The following ARHGEF6 variants were observed in gnomAD, a reference collection of about 807,000 sequenced individuals.
ARHGEF6 encodes Rac/Cdc42 guanine nucleotide exchange factor 6.
Under a neutral mutation model 70.3 loss-of-function variants are expected in ARHGEF6, and 9 were observed. The ratio of observed to expected loss-of-function variants is 0.13; its 90% CI spans 0.08 to 0.22. ARHGEF6 has a LOEUF of 0.22. Among genes scored for constraint, ARHGEF6 ranks in the 10% least tolerant of loss-of-function variants. The probability of loss-of-function intolerance (pLI) is 1.00; values close to 1 mark genes in which losing one functional copy is unlikely to be tolerated. For missense variants in ARHGEF6, 470 were observed against 563.0 expected (o/e 0.83, Z 1.67); for synonymous variants, 201 against 207.8 (o/e 0.97, Z 0.28).
intron 9 of ARHGEF6, among the ~76,000 whole-genome samples, chrX:136,696,875 A>C (rs956757477): frequency 1.8e-5 from 2 of 110,158 alleles, no homozygotes; most frequent in Non-Finnish European, 3.8e-5. Context: ...CCAGTCAAAA[A>C]ATATGATATC....
intron 9 of ARHGEF6, among the ~76,000 whole-genome samples, chrX:136,699,713 T>C (rs369968727): frequency 1.3e-4 from 15 of 111,318 alleles, no homozygotes; most frequent in African/African-American, 4.2e-4. Context: ...TCCTGGAGTC[T>C]GAATGTGGAC....
chrX:136,726,934 A>C (rs2076859150), intron 6 of ARHGEF6, among the ~76,000 whole-genome samples: 1 of 112,443 alleles, frequency 8.9e-6, no homozygotes, highest in African/African-American at 3.2e-5. Context: ...TTCATCTTAC[A>C]AGGGATATTT....
chrX:136,764,089 A>T (rs2077290001), intron 2 of ARHGEF6, among the ~76,000 whole-genome samples: 1 of 110,829 alleles, frequency 9.0e-6, no homozygotes, highest in African/African-American at 3.3e-5. Context: ...AGTTGAGGTC[A>T]CTAGGTTGCT....
At chrX:136,705,246 G>C (rs1266993714) in intron 9 of ARHGEF6, among the ~76,000 whole-genome samples, 2 of 108,059 alleles carry the variant, frequency 1.9e-5, no homozygotes, top group African/African-American at 6.8e-5. Flanking sequence ...GGGAGGCAGA[G>C]GTTGCAGTTG....
At chrX:136,726,257 C>A (rs1045629036) in intron 6 of ARHGEF6, among the ~76,000 whole-genome samples, 3 of 111,450 alleles carry the variant, frequency 2.7e-5, no homozygotes, top group Non-Finnish European at 3.8e-5. Context: ...TGATTCTGCA[C>A]GCCCAGGTCC....
chrX:136,746,041 C>T (rs1267289976), intron 3 of ARHGEF6, among the ~76,000 whole-genome samples: 2 of 111,934 alleles, frequency 1.8e-5, no homozygotes, highest in Non-Finnish European at 3.8e-5. Context: ...GGGTTCTTTT[C>T]CTCTCCATTT....
intron 21 of ARHGEF6, 104 bp downstream of exon 21, chrX:136,669,378 C>A: frequency 2.7e-6 from 2 of 731,711 alleles, no homozygotes; most frequent in Non-Finnish European, 4.3e-6. Flanking sequence ...AAAAATCCCC[C>A]CTCGCTACCT....
intron 2 of ARHGEF6, among the ~76,000 whole-genome samples, chrX:136,774,904 A>G (rs2077392004): frequency 9.1e-6 from 1 of 110,285 alleles, no homozygotes; most frequent in African/African-American, 3.3e-5. Flanking sequence ...GCAATAGGGG[A>G]AAATGGAATA....
intron 2 of ARHGEF6, among the ~76,000 whole-genome samples, chrX:136,768,224 T>C (rs964511238): frequency 2.7e-5 from 3 of 112,145 alleles, no homozygotes; most frequent in East Asian, 2.8e-4. Context: ...AATAGTCTCT[T>C]TGAGAGAGAA....
chrX:136,707,438 G>A (rs377336672), intron 8 of ARHGEF6, among the ~76,000 whole-genome samples: 5 of 112,094 alleles, frequency 4.5e-5, no homozygotes, highest in Middle Eastern at 4.6e-3. Context: ...TGTTTGCTAC[G>A]CAGGGTGGCC....
chrX:136,714,348 G>A (rs988503960), intron 6 of ARHGEF6, among the ~76,000 whole-genome samples: 1 of 111,670 alleles, frequency 9.0e-6, no homozygotes, highest in Non-Finnish European at 1.9e-5. Context: ...GTATACCTAT[G>A]GAACGAGCCT....
intron 12 of ARHGEF6, 92 bp from the exon 13 acceptor site, chrX:136,682,936 T>A: frequency 1.4e-6 from 1 of 694,169 alleles, no homozygotes; most frequent in Admixed American, 2.7e-5. Flanking sequence ...ACATAGACCT[T>A]ATATAAACAA....
intron 9 of ARHGEF6, among the ~76,000 whole-genome samples, chrX:136,704,237 G>T (rs1191431983): frequency 2.7e-5 from 3 of 112,287 alleles, no homozygotes; most frequent in Non-Finnish European, 5.6e-5. Flanking sequence ...TTAGAGGGGA[G>T]TAATAAAAAT....
At chrX:136,712,344 C>G (rs2076695249) in intron 7 of ARHGEF6, among the ~76,000 whole-genome samples, 1 of 112,079 alleles carries the variant, frequency 8.9e-6, no homozygotes, top group South Asian at 3.7e-4. Flanking sequence ...GACTCCTGAC[C>G]TCAAGCGATC....
At chrX:136,699,802 C>T (rs1158432918) in intron 9 of ARHGEF6, among the ~76,000 whole-genome samples, 1 of 111,119 alleles carries the variant, frequency 9.0e-6, no homozygotes, top group Non-Finnish European at 1.9e-5. Context: ...ATCCAAAAAC[C>T]CAAAAATGTT....
At chrX:136,740,965 A>G (rs2077035987) in intron 5 of ARHGEF6, among the ~76,000 whole-genome samples, 1 of 112,322 alleles carries the variant, frequency 8.9e-6, no homozygotes. Flanking sequence ...AGGAAATTCC[A>G]GGCAAAGCCT....
At chrX:136,742,084 G>A (rs185211356) in intron 5 of ARHGEF6, among the ~76,000 whole-genome samples, 1 of 111,888 alleles carries the variant, frequency 8.9e-6, no homozygotes, top group Non-Finnish European at 1.9e-5. Context: ...ACTTTGGGAG[G>A]CTGAGGCGGG....
At chrX:136,742,185 G>T (rs1260911857) in intron 5 of ARHGEF6, among the ~76,000 whole-genome samples, 2 of 111,422 alleles carry the variant, frequency 1.8e-5, no homozygotes, top group Non-Finnish European at 3.8e-5. Context: ...CAGGCGTGGT[G>T]GCAGGCGCCT....
At chrX:136,680,465 CTGGTTAGAAATACTT>C (rs2076322318) in intron 15 of ARHGEF6, among the ~76,000 whole-genome samples, 1 of 112,388 alleles carries the variant, frequency 8.9e-6, no homozygotes, top group African/African-American at 3.2e-5. Context: ...AGCAGGACTT[CTGGTTAGAAATACTT>C]TGCTAGCAGT....
Sources: gnomAD v4.1 joint callset for allele counts (sites outside exome capture counted in the v4.1 genomes callset) on GRCh38, gnomAD v4.1.1 for gene constraint, MANE v1.5 for transcripts, NCBI Gene and HGNC (gene_info 2026-07-23, HGNC 2026-07-21) for gene names.